Variants in CYP2C19 observed in about 807,000 individuals in gnomAD.
CYP2C19 encodes cytochrome P450 2C19.
CYP2C19 carries 59 observed loss-of-function variants against 40.9 expected under a neutral mutation model. The ratio of observed to expected loss-of-function variants is 1.44; its 90% CI spans 1.17 to 1.79. CYP2C19 has a LOEUF of 1.79. Ranked by LOEUF, CYP2C19 falls within the 40% of genes most tolerant of loss-of-function variation. The pLI is 0.00. For missense variants in CYP2C19, 754 were observed against 596.9 expected (o/e 1.26, Z -2.74); for synonymous variants, 253 against 208.7 (o/e 1.21, Z -1.83).
intron 5 of CYP2C19, among the ~76,000 whole-genome samples, chr10:94,786,357 C>T (rs2134243084): frequency 6.6e-6 from 1 of 152,084 alleles, no homozygotes; most frequent in South Asian, 2.1e-4. Context: ...TTAAGTCTTC[C>T]AATCCTGGAA....
At chr10:94,844,337 T>C (rs952533661) in intron 7 of CYP2C19, among the ~76,000 whole-genome samples, 1 of 152,206 alleles carries the variant, frequency 6.6e-6, no homozygotes, top group Non-Finnish European at 1.5e-5. Flanking sequence ...ATAACACATG[T>C]TGTCATGATT....
Position 94,842,995 on chromosome 10 carries a change from G to T in CYP2C19, c.1120G>T (p.Val374Phe). Reference sequence around the variant, plus strand: ...CCTGCCCCATGCAGTGACCTGTGACGTTAAATTCAGAAACTACCTCATTCC... The same window carrying T: ...CCTGCCCCATGCAGTGACCTGTGACTTTAAATTCAGAAACTACCTCATTCC... ...TSLPHAVTCD[V>F]KFRNYLIPKG... Residue 374 changes from valine (V) to phenylalanine (F), a missense_variant, in exon 7 of 9, where the codon GTT (valine) becomes TTT (phenylalanine). By Grantham distance (50) the Val-to-Phe change is conservative (BLOSUM62 -1). Coordinates refer to ENST00000371321, the MANE Select transcript of CYP2C19 (RefSeq NM_000769.4). 1 of 1,614,172 alleles carries T rather than the reference G, an allele frequency of 6.2e-7. No individual in the cohort carries two copies. Among genetic ancestry groups the T allele is most frequent in the Non-Finnish European group, 8.5e-7 (1 of 1,180,022 alleles).
chr10:94,774,936 T>A, intron 1 of CYP2C19, 122 bp from the exon 2 acceptor site: 6 of 1,032,816 alleles, frequency 5.8e-6, no homozygotes, highest in Non-Finnish European at 8.4e-6. Flanking sequence ...AATTCAGAAA[T>A]ATTTGAGCCT....
chr10:94,779,140 G>C (rs376534275), intron 3 of CYP2C19, among the ~76,000 whole-genome samples: 1 of 152,070 alleles, frequency 6.6e-6, no homozygotes, highest in African/African-American at 2.4e-5. Context: ...GGGAGGGAAA[G>C]CATTAGGACA....
chr10:94,801,226 A>G (rs1035972960), intron 5 of CYP2C19, among the ~76,000 whole-genome samples: 12 of 152,218 alleles, frequency 7.9e-5, no homozygotes, highest in African/African-American at 2.4e-4. Context: ...TCTTGTGGAC[A>G]TTTAGCGGTA....
chr10:94,778,062 G>T (rs903529795), intron 3 of CYP2C19, among the ~76,000 whole-genome samples: 5 of 152,180 alleles, frequency 3.3e-5, no homozygotes, highest in Non-Finnish European at 5.9e-5. Context: ...GCAGCTAGGG[G>T]ACTGTCTGGC....
chr10:94,767,599 C>G (rs972064120), intron 1 of CYP2C19, among the ~76,000 whole-genome samples: 14 of 152,132 alleles, frequency 9.2e-5, no homozygotes. Flanking sequence ...TATGATGGAC[C>G]AAGGGATTAT....
At chr10:94,774,968 C>T (rs560620268) in intron 1 of CYP2C19, 90 bp from the exon 2 acceptor site, 7 of 1,377,886 alleles carry the variant, frequency 5.1e-6, no homozygotes, top group Non-Finnish European at 7.0e-6. Flanking sequence ...TAAAAGCATA[C>T]AAATACAATG....
chr10:94,770,313 G>T (rs1015623921), intron 1 of CYP2C19, among the ~76,000 whole-genome samples: 6 of 152,094 alleles, frequency 3.9e-5, no homozygotes, highest in Non-Finnish European at 8.8e-5. Context: ...TGGGTGAGGG[G>T]GTGGCTTGTT....
chr10:94,841,400 A>T (rs971437753), intron 6 of CYP2C19, among the ~76,000 whole-genome samples: 1 of 152,222 alleles, frequency 6.6e-6, no homozygotes, highest in Non-Finnish European at 1.5e-5. Flanking sequence ...GGTGGCAAAC[A>T]GCAGTGGTGG....
intron 5 of CYP2C19, among the ~76,000 whole-genome samples, chr10:94,811,630 A>T (rs984031448): frequency 3.3e-5 from 5 of 152,046 alleles, no homozygotes; most frequent in Non-Finnish European, 5.9e-5. Flanking sequence ...CCTTAACATT[A>T]TATGATACCA....
At chr10:94,825,344 C>T (rs1250254242) in intron 6 of CYP2C19, among the ~76,000 whole-genome samples, 1 of 147,796 alleles carries the variant, frequency 6.8e-6, no homozygotes, top group African/African-American at 2.5e-5. Flanking sequence ...TTAATGATCA[C>T]CATTCTAACT....
chr10:94,803,782 T>C (rs746568092), intron 5 of CYP2C19, among the ~76,000 whole-genome samples: 14 of 152,102 alleles, frequency 9.2e-5, no homozygotes, highest in Non-Finnish European at 4.4e-5. Context: ...TCATGATCTG[T>C]CTGAGTGTGA....
chr10:94,847,165 G>T (rs1047462796), intron 7 of CYP2C19, among the ~76,000 whole-genome samples: 3 of 152,046 alleles, frequency 2.0e-5, no homozygotes, highest in Admixed American at 1.3e-4. Context: ...CCATGTCGGT[G>T]TGCTGCACCC....
chr10:94,800,451 T>A (rs1410647476), intron 5 of CYP2C19, among the ~76,000 whole-genome samples: 3 of 152,192 alleles, frequency 2.0e-5, no homozygotes, highest in East Asian at 3.9e-4. Context: ...CTACTGGGAG[T>A]TGTCTCCCAG....
rs1244205579 is a variant in CYP2C19 at position 94,849,954 on chromosome 10, A to G, written c.1187A>G (p.His396Arg). The G allele has an allele frequency of 1.2e-6, 2 of 1,613,712 alleles. No homozygotes were observed. Among genetic ancestry groups the G allele is most frequent in the East Asian group, 4.5e-5 (2 of 44,846 alleles). ...TILTSLTSVL[H>R]DNKEFPNPEM... ...TTAACTTCCCTCACTTCTGTGCTAC[A>G]TGACAACAAAGAATTTCCCAACCCA... The change falls in exon 8 of 9, where the codon CAT becomes CGT. Residue 396 changes from histidine (H) to arginine (R), a missense_variant. Physicochemically the swap from His to Arg is conservative, Grantham distance 29. Coordinates refer to ENST00000371321, the MANE Select transcript of CYP2C19 (RefSeq NM_000769.4).
rs144468489 is a variant in CYP2C19, at chr10:94,839,239, T to G, written c.962-3598T>G. Among the ~76,000 whole-genome samples the G allele has an allele frequency of 3.1e-3, 472 of 151,886 alleles. 3 individuals are homozygous for G. The highest frequency in any genetic ancestry group is 0.011 in the African/African-American group (449 of 41,474). On this transcript the variant is annotated intron_variant, in intron 6 of 8. Coordinates refer to ENST00000371321, the MANE Select transcript of CYP2C19 (RefSeq NM_000769.4). ...CTCTTGACCACAAAGAAAGGGGCCC[T>G]GGCTGCTGGATTCTAGTGGTCCTTT...
intron 5 of CYP2C19, among the ~76,000 whole-genome samples, chr10:94,786,570 T>C (rs1342887619): frequency 6.6e-6 from 1 of 152,232 alleles, no homozygotes; most frequent in East Asian, 1.9e-4. Context: ...AGGAAGTGCA[T>C]GTTCAAGTTT....
chr10:94,814,418 C>A (rs991287047), intron 5 of CYP2C19, among the ~76,000 whole-genome samples: 2 of 151,838 alleles, frequency 1.3e-5, no homozygotes, highest in Non-Finnish European at 2.9e-5. Context: ...TGTGATGGAA[C>A]AATTGCTATT....
Sources: allele counts gnomAD v4.1 joint callset (sites outside exome capture counted in the v4.1 genomes callset), GRCh38; gene constraint gnomAD v4.1.1; transcripts MANE v1.5; gene names NCBI Gene and HGNC (gene_info 2026-07-23, HGNC 2026-07-21).